The following EEA1 variants were observed in gnomAD, a reference collection of about 807,000 sequenced individuals.
The protein encoded by EEA1 is early endosome antigen 1, 162kD.
Under a neutral mutation model 209.2 loss-of-function variants are expected in EEA1, and 111 were observed. The observed-to-expected ratio is 0.53, with a 90% CI of 0.45 to 0.62. EEA1 has a LOEUF of 0.62. Ranked by LOEUF, EEA1 falls within the 20% of genes least tolerant of loss-of-function variation. The pLI is 0.00. For missense variants in EEA1, 1,343 were observed against 1,530.8 expected, an observed-to-expected ratio of 0.88 and a Z score of 2.05; for synonymous variants, 536 against 540.6, an observed-to-expected ratio of 0.99 and a Z score of 0.12.
intron 1 of EEA1, among the ~76,000 whole-genome samples, chr12:92,892,655 A>G (rs766709914): frequency 2.5e-4 from 38 of 152,024 alleles, no homozygotes; most frequent in Non-Finnish European, 4.3e-4. Flanking sequence ...GCTCATTGCA[A>G]TCTCCACCTC....
At chr12:92,795,334 T>C (rs1488074310) in intron 21 of EEA1, among the ~76,000 whole-genome samples, 2 of 152,238 alleles carry the variant, frequency 1.3e-5, no homozygotes, top group Non-Finnish European at 2.9e-5. Context: ...TAGAATTATG[T>C]CCCATCACTA....
intron 1 of EEA1, among the ~76,000 whole-genome samples, chr12:92,915,866 T>C (rs1171633563): frequency 6.6e-6 from 1 of 152,204 alleles, no homozygotes; most frequent in Non-Finnish European, 1.5e-5. Flanking sequence ...TATCTGTATA[T>C]GCTTAGTTTT....
At chr12:92,778,299 C>T (rs973823470) in intron 25 of EEA1, 120 bp from the exon 26 acceptor site, 16 of 727,156 alleles carry the variant, frequency 2.2e-5, no homozygotes, top group Non-Finnish European at 3.4e-5. Flanking sequence ...GGCAGGAGAA[C>T]ATATTTCATT....
At chr12:92,826,368 A>C in intron 12 of EEA1, 83 bp from the exon 13 acceptor site, 1 of 1,282,004 alleles carries the variant, frequency 7.8e-7, no homozygotes, top group Non-Finnish European at 1.1e-6. Context: ...TTCAATTCTC[A>C]AGTCTGAACA....
intron 9 of EEA1, among the ~76,000 whole-genome samples, chr12:92,845,693 G>C (rs1300442314): frequency 2.6e-5 from 4 of 152,024 alleles, no homozygotes; most frequent in African/African-American, 9.7e-5. Context: ...CTTCCTCGCA[G>C]CCCTTATTAT....
At chr12:92,855,220 G>A (rs1409343391) in intron 5 of EEA1, among the ~76,000 whole-genome samples, 1 of 131,138 alleles carries the variant, frequency 7.6e-6, no homozygotes, top group Admixed American at 7.7e-5. Flanking sequence ...ACGAGGTCAG[G>A]AGATCGAGAC....
intron 1 of EEA1, among the ~76,000 whole-genome samples, chr12:92,917,027 G>C (rs575152612): frequency 6.6e-6 from 1 of 151,098 alleles, no homozygotes; most frequent in South Asian, 2.1e-4. Flanking sequence ...AATGAAGTGA[G>C]AAGGGAAGTT....
intron 1 of EEA1, among the ~76,000 whole-genome samples, chr12:92,923,548 C>T (rs1250329671): frequency 6.6e-6 from 1 of 152,106 alleles, no homozygotes; most frequent in Non-Finnish European, 1.5e-5. Flanking sequence ...CCCTCCTTGC[C>T]TGAGTCACTG....
chr12:92,836,587 G>A (rs192300380), intron 10 of EEA1, among the ~76,000 whole-genome samples: 14 of 152,178 alleles, frequency 9.2e-5, no homozygotes, highest in Admixed American at 5.2e-4. Context: ...GCTCGCCAAC[G>A]TCTCTTATTT....
At chr12:92,865,714 TTTTTA>T (rs79830023) in intron 2 of EEA1, among the ~76,000 whole-genome samples, 33,342 of 142,036 alleles carry the variant, frequency 0.23, 4,831 homozygotes, top group African/African-American at 0.4. Context: ...AACTTTTATT[TTTTTA>T]TTTTATTTTA....
intron 2 of EEA1, among the ~76,000 whole-genome samples, chr12:92,867,320 TCACTGTAATACA>T (rs1262899818): frequency 2.6e-5 from 4 of 152,324 alleles, no homozygotes; most frequent in South Asian, 4.1e-4. Flanking sequence ...GTTCCTATAC[TCACTGTAATACA>T]CAGCATATTG....
rs184655770 is a variant in EEA1 at position 92,828,430 on chromosome 12, T to A, written c.1255-369A>T. ...GTACACACTCAGATCTATTTTACAGTATTGTTTAAAGTTCCACAGTGATTC... is the reference window on the plus strand; with the variant it reads ...GTACACACTCAGATCTATTTTACAGAATTGTTTAAAGTTCCACAGTGATTC... On this transcript the variant is annotated intron_variant, in intron 11 of 28. Transcript: ENST00000322349. 8.8e-4 allele frequency among the ~76,000 whole-genome samples: 134 copies of A among 152,192 alleles called. 1 individual carries two copies. The highest frequency in any genetic ancestry group is 1.4e-3 in the Non-Finnish European group (97 of 68,006).
intron 14 of EEA1, 42 bp from the exon 15 acceptor site, chr12:92,816,442 A>AT (rs753344255): frequency 7.0e-6 from 11 of 1,565,318 alleles, no homozygotes; most frequent in Non-Finnish European, 9.6e-6. Context: ...CACAAATGAC[A>AT]TAACAAAAAT....
intron 11 of EEA1, among the ~76,000 whole-genome samples, chr12:92,829,790 A>C (rs892857021): frequency 1.3e-4 from 19 of 142,218 alleles, no homozygotes; most frequent in South Asian, 7.3e-4. Context: ...AAAAAAAAAA[A>C]AAAAAACAAA....
chr12:92,897,229 G>T (rs1879922519), intron 1 of EEA1, among the ~76,000 whole-genome samples: 1 of 152,210 alleles, frequency 6.6e-6, no homozygotes, highest in Non-Finnish European at 1.5e-5. Flanking sequence ...TTTCTGCACA[G>T]ATGGGAAATT....
chr12:92,778,124 G>C lies in EEA1; in HGVS notation c.3710C>G (p.Ala1237Gly). 1 of 1,613,096 alleles carries C rather than the reference G, an allele frequency of 6.2e-7. No individual in the cohort carries two copies. Among genetic ancestry groups the C allele is most frequent in the East Asian group, 2.2e-5 (1 of 44,830 alleles). ...VGMKKHEENEAKLTMQITALN... is the reference protein window; with the variant it reads ...VGMKKHEENEGKLTMQITALN... ...TGCTGTAATCTGCATGGTAAGTTTA[G>C]CCTCATTTTCTTCATGCTTCTTCAT... is the stretch of plus-strand genomic sequence containing the variant. Residue 1237 changes from alanine to glycine, a missense_variant, in exon 26 of 29, where the codon GCT becomes GGT. Physicochemically the swap from Ala to Gly is moderately conservative, Grantham distance 60. This residue lies in a region of EEA1 where 1,307 missense variants were observed against 1,465.5 expected (regional missense o/e 0.89). Coordinates refer to ENST00000322349, the MANE Select transcript of EEA1 (RefSeq NM_003566.4).
At chr12:92,870,988 C>T (rs1447761932) in intron 2 of EEA1, among the ~76,000 whole-genome samples, 2 of 152,068 alleles carry the variant, frequency 1.3e-5, no homozygotes. Flanking sequence ...GGATTACAGG[C>T]GTGAGCCACA....
At chr12:92,836,937 A>G (rs981446472) in intron 10 of EEA1, among the ~76,000 whole-genome samples, 3 of 152,018 alleles carry the variant, frequency 2.0e-5, no homozygotes, top group Non-Finnish European at 4.4e-5. Flanking sequence ...CCTGACCCAC[A>G]TGGTGAAACC....
rs781068218 is a variant in EEA1 at position 92,780,315 on chromosome 12, C to T, written c.3433G>A (p.Glu1145Lys). The T allele has an allele frequency of 7.7e-5, 123 of 1,600,494 alleles. No homozygotes were observed. Among genetic ancestry groups the T allele is most frequent in the Non-Finnish European group, 9.4e-6 (11 of 1,176,080 alleles). Residue 1145 changes from glutamate (E) to lysine (K), a missense_variant, in exon 24 of 29, where the codon GAA (glutamate) becomes AAA (lysine). By Grantham distance (56) the Glu-to-Lys change is moderately conservative. Coordinates refer to ENST00000322349, the MANE Select transcript of EEA1 (RefSeq NM_003566.4). Reference sequence around the variant, plus strand: ...TCTAGTTTGTGGGACTTGAGTTCTTCGTTTAGTTTAGTGATTTCTTTTTCT... The same window carrying T: ...TCTAGTTTGTGGGACTTGAGTTCTTTGTTTAGTTTAGTGATTTCTTTTTCT... ...RQEKEITKLN[E>K]ELKSHKLESI...
Sources: gnomAD v4.1 joint callset for allele counts (sites outside exome capture counted in the v4.1 genomes callset) on GRCh38, gnomAD v4.1.1 for gene constraint, gnomAD v4.1.1 regional missense constraint, MANE v1.5 for transcripts, NCBI Gene and HGNC (gene_info 2026-07-23, HGNC 2026-07-21) for gene names.